Variants in GPR89A observed in about 807,000 individuals in gnomAD.
The protein encoded by GPR89A is G protein-coupled receptor 89A.
GPR89A carries 16 observed loss-of-function variants against 52.0 expected under a neutral mutation model. The ratio of observed to expected loss-of-function variants is 0.31; its 90% CI spans 0.21 to 0.47. GPR89A has a LOEUF of 0.47. Among genes scored for constraint, GPR89A ranks in the 20% least tolerant of loss-of-function variants. The pLI is 1.00. For missense variants in GPR89A, 135 were observed against 449.4 expected (o/e 0.30, Z 6.33); for synonymous variants, 55 against 150.9 (o/e 0.36, Z 4.66).
intron 1 of GPR89A, 32 bp downstream of exon 1, chr1:145,608,207 C>T (rs1553685310): frequency 1.2e-5 from 20 of 1,613,838 alleles, no homozygotes; most frequent in Admixed American, 3.3e-5. Context: ...CGACACCCGT[C>T]CGCCTCCCTT....
chr1:145,634,114 CTG>C (rs1490597320), intron 7 of GPR89A, among the ~76,000 whole-genome samples: 2 of 149,460 alleles, frequency 1.3e-5, no homozygotes, highest in Non-Finnish European at 3.0e-5. Context: ...GAGTCTCACT[CTG>C]TTGCCCAGGC....
At chr1:145,615,981 G>A (rs1553686911) in intron 1 of GPR89A, among the ~76,000 whole-genome samples, 1 of 151,190 alleles carries the variant, frequency 6.6e-6, no homozygotes, top group African/African-American at 2.4e-5. Flanking sequence ...TAAGATTATG[G>A]CAAAATATGT....
intron 7 of GPR89A, among the ~76,000 whole-genome samples, chr1:145,641,222 A>G (rs1399796331): frequency 1.3e-5 from 2 of 151,154 alleles, no homozygotes; most frequent in East Asian, 3.8e-4. Context: ...TGTTTATGAA[A>G]ATTACGCTGA....
At chr1:145,610,840 T>C (rs1302718136) in intron 1 of GPR89A, among the ~76,000 whole-genome samples, 1 of 152,196 alleles carries the variant, frequency 6.6e-6, no homozygotes, top group Non-Finnish European at 1.5e-5. Context: ...GTCCTGCTGA[T>C]GGCCATCTTT....
intron 11 of GPR89A, 80 bp downstream of exon 11, chr1:145,663,504 G>A: frequency 6.3e-7 from 1 of 1,588,858 alleles, no homozygotes; most frequent in Non-Finnish European, 8.6e-7. Flanking sequence ...ATTCTAATTT[G>A]TATACTTTAG....
At chr1:145,659,969 C>T (rs1466319003) in intron 10 of GPR89A, among the ~76,000 whole-genome samples, 1 of 151,492 alleles carries the variant, frequency 6.6e-6, no homozygotes, top group Non-Finnish European at 1.5e-5. Context: ...TGTAGTTCTC[C>T]TTGAAGAGGT....
chr1:145,621,385 A>G (rs1649129378), intron 3 of GPR89A, among the ~76,000 whole-genome samples: 1 of 151,766 alleles, frequency 6.6e-6, no homozygotes, highest in Non-Finnish European at 1.5e-5. Flanking sequence ...CACATTGACC[A>G]TTAGAAAACT....
At chr1:145,639,390 A>G (rs2624740) in intron 7 of GPR89A, among the ~76,000 whole-genome samples, 5 of 152,174 alleles carry the variant, frequency 3.3e-5, no homozygotes, top group East Asian at 1.9e-4. Context: ...TTATATAGCT[A>G]CAGTAATCAA....
intron 5 of GPR89A, 95 bp from the exon 6 acceptor site, chr1:145,630,592 A>T: frequency 1.5e-6 from 1 of 681,886 alleles, no homozygotes; most frequent in South Asian, 1.7e-5. Context: ...AGTTATGTGT[A>T]ATGGTTAATG....
chr1:145,668,549 T>G (rs1652733255), intron 12 of GPR89A, among the ~76,000 whole-genome samples: 1 of 152,164 alleles, frequency 6.6e-6, no homozygotes, highest in Admixed American at 6.5e-5. Context: ...TTTTTCTGAT[T>G]GAATACCCTT....
At chr1:145,659,945 A>G (rs1553695284) in intron 10 of GPR89A, among the ~76,000 whole-genome samples, 4 of 150,880 alleles carry the variant, frequency 2.7e-5, no homozygotes, top group Non-Finnish European at 5.9e-5. Context: ...CTTTTATTTC[A>G]TTGAGCAGTG....
rs587710763 is a variant in GPR89A at position 145,610,800 on chromosome 1, G to C, written c.42+2625G>C. On this transcript the variant is annotated intron_variant, in intron 1 of 13. Transcript: ENST00000313835. ...AGGGTGAATAAATGATCCAAGAAAGGTGTCTTTTATAGTTAATTCTTTAAT... is the reference window on the plus strand; with the variant it reads ...AGGGTGAATAAATGATCCAAGAAAGCTGTCTTTTATAGTTAATTCTTTAAT... Among the ~76,000 whole-genome samples, 3 of 152,186 alleles carry C rather than the reference G, an allele frequency of 2.0e-5. No homozygotes were observed. In the South Asian group the frequency reaches 6.2e-4, roughly 32 times the overall value.
intron 10 of GPR89A, among the ~76,000 whole-genome samples, chr1:145,660,025 T>C (rs1335669639): frequency 6.6e-6 from 1 of 151,950 alleles, no homozygotes; most frequent in African/African-American, 2.4e-5. Context: ...TTTATTCTCT[T>C]TGAAGCAATT....
chr1:145,652,359 G>A (rs1160500011), intron 10 of GPR89A, among the ~76,000 whole-genome samples: 1 of 152,056 alleles, frequency 6.6e-6, no homozygotes, highest in Non-Finnish European at 1.5e-5. Flanking sequence ...CTTGATCGTG[G>A]TAGATGAGCT....
chr1:145,617,801 T>G (rs1292956897), intron 2 of GPR89A, among the ~76,000 whole-genome samples: 2 of 152,180 alleles, frequency 1.3e-5, no homozygotes, highest in East Asian at 3.9e-4. Context: ...TTCTCCTAAT[T>G]AGTAATAAGA....
At chr1:145,649,813 A>G (rs1651324228) in intron 10 of GPR89A, among the ~76,000 whole-genome samples, 1 of 151,410 alleles carries the variant, frequency 6.6e-6, no homozygotes, top group Admixed American at 6.6e-5. Flanking sequence ...AACACTCTAT[A>G]TGGCCAGTCT....
At chr1:145,648,818 T>TTTTGAAG (rs1559042746) in intron 10 of GPR89A, among the ~76,000 whole-genome samples, 1 of 95,516 alleles carries the variant, frequency 1.0e-5, no homozygotes, top group Non-Finnish European at 1.9e-5. Context: ...TTTTTTTTTG[T>TTTTGAAG]TGAAGACGGA....
intron 10 of GPR89A, among the ~76,000 whole-genome samples, chr1:145,659,518 T>C (rs1652047222): frequency 6.7e-6 from 1 of 150,192 alleles, no homozygotes; most frequent in Admixed American, 6.7e-5. Flanking sequence ...ACCAGACTTT[T>C]CCAAAACAGC....
chr1:145,617,557 A>G (rs1553687274), intron 2 of GPR89A, among the ~76,000 whole-genome samples: 1 of 152,158 alleles, frequency 6.6e-6, no homozygotes, highest in East Asian at 1.9e-4. Flanking sequence ...TGTCCATGAA[A>G]TCTTCACAAT....
Sources: gnomAD v4.1 joint callset for allele counts (sites outside exome capture counted in the v4.1 genomes callset) on GRCh38, gnomAD v4.1.1 for gene constraint, MANE v1.5 for transcripts, NCBI Gene and HGNC (gene_info 2026-07-23, HGNC 2026-07-21) for gene names.